Variants in ZNF274 observed in about 807,000 individuals in gnomAD.
ZNF274 encodes the protein zinc finger protein 274, also known as neurotrophin receptor-interacting factor homolog.
Under a neutral mutation model 42.5 loss-of-function variants are expected in ZNF274, and 23 were observed. That is an observed-to-expected ratio of 0.54 (90% CI 0.39 to 0.77). The LOEUF (loss-of-function observed/expected upper bound fraction) is 0.77, where lower values mean the gene tolerates loss of function less well. Ranked by LOEUF, ZNF274 falls within the 30% of genes least tolerant of loss-of-function variation. The pLI, the probability that ZNF274 is intolerant of heterozygous loss-of-function variation, is 0.00. For missense variants in ZNF274, 679 were observed against 806.5 expected (o/e 0.84, Z 1.91); for synonymous variants, 292 against 305.4 (o/e 0.96, Z 0.46).
chr19:58,213,267 C>A lies in ZNF274; in HGVS notation c.*124C>A. ...GTATTGAGTGAGGACATTCCCAAAA[C>A]CAAAGGACAACTGAGGAGACTGCCC... On this transcript the variant is annotated 3_prime_UTR_variant, in exon 8 of 8. Transcript: ENST00000617501. The A allele has an allele frequency of 2.3e-6, 3 of 1,305,608 alleles. No homozygotes were observed. The highest frequency in any genetic ancestry group is 2.0e-6 in the Non-Finnish European group (2 of 977,836). 80.9% of individuals were successfully genotyped at this position (1,305,608 alleles called of 1,614,324 possible).
chr19:58,192,655 T>C (rs148761948), intron 4 of ZNF274, among the ~76,000 whole-genome samples: 9 of 152,360 alleles, frequency 5.9e-5, no homozygotes, highest in Non-Finnish European at 1.0e-4. Context: ...GAATATGATG[T>C]AAATGCTGTG....
Position 58,207,011 on chromosome 19 carries a change from G to T in ZNF274, c.548G>T (p.Arg183Leu). Residue 183 changes from arginine (R) to leucine (L), a missense_variant, in exon 5 of 8, where the codon CGA (arginine) becomes CTA (leucine). Physicochemically the swap from Arg to Leu is moderately radical, Grantham distance 102. Around this residue, in one of 2 missense-constraint regions of ZNF274, gnomAD observed 456 missense variants for 590.1 expected, o/e 0.77. Transcript: ENST00000617501. The surrounding 1 kb of genome is among the most constrained non-coding windows in gnomAD (Gnocchi z 5.6). ...TGPREALDQL[R>L]ELCHQWLQPK... Reference sequence around the variant, plus strand: ...CCCCGGGAGGCCCTGGACCAGCTCCGAGAGCTGTGTCACCAGTGGCTACAG... The same window carrying T: ...CCCCGGGAGGCCCTGGACCAGCTCCTAGAGCTGTGTCACCAGTGGCTACAG... 2 of 1,611,080 alleles carry T rather than the reference G, an allele frequency of 1.2e-6. No individual in the cohort carries two copies. The highest frequency in any genetic ancestry group is 1.7e-6 in the Non-Finnish European group (2 of 1,178,670).
chr19:58,204,915 G>C (rs1030382003), intron 4 of ZNF274, among the ~76,000 whole-genome samples: 1 of 152,172 alleles, frequency 6.6e-6, no homozygotes, highest in Admixed American at 6.5e-5. Context: ...GGCAGGTAGG[G>C]AGTGAGAAGA....
chr19:58,188,545 G>C (rs541826657), intron 4 of ZNF274, among the ~76,000 whole-genome samples: 70 of 148,188 alleles, frequency 4.7e-4, no homozygotes, highest in African/African-American at 1.6e-3. Flanking sequence ...TTAAACCCAG[G>C]AGATGGAGGT....
chr19:58,205,209 G>C (rs1372864702), intron 4 of ZNF274, among the ~76,000 whole-genome samples: 1 of 152,274 alleles, frequency 6.6e-6, no homozygotes. Flanking sequence ...GCTACTTCCT[G>C]GTAGAATTGT....
At chr19:58,197,646 T>C (rs112681263) in intron 4 of ZNF274, among the ~76,000 whole-genome samples, 13 of 152,298 alleles carry the variant, frequency 8.5e-5, no homozygotes, top group African/African-American at 2.9e-4. Context: ...GAGACAAGAA[T>C]ATGTCTTCAA....
In ZNF274 at chr19:58,200,526, G is replaced by A. The variant is rs574993866; in HGVS notation, c.257-6194G>A. Among the ~76,000 whole-genome samples, 6 of 152,296 alleles carry A rather than the reference G, an allele frequency of 3.9e-5. No homozygotes were observed. The South Asian group carries it at 1.2e-3, about 32-fold the overall frequency. ...TAGTTCAGAACTAAGTAGGAAGATG[G>A]TTCTGAGGAGGTGACGTTTGAGCTC... is the stretch of plus-strand genomic sequence containing the variant. On this transcript the variant is annotated intron_variant, in intron 4 of 7. Transcript: ENST00000617501.
At chr19:58,185,916 G>T in intron 3 of ZNF274, 78 bp downstream of exon 3, 1 of 1,280,630 alleles carries the variant, frequency 7.8e-7, no homozygotes, top group African/African-American at 1.5e-5. Context: ...GTGTCTGCTT[G>T]GGCTCACACT....
At chr19:58,209,904 GC>G in intron 5 of ZNF274, 56 bp from the exon 6 acceptor site, 2 of 1,332,164 alleles carry the variant, frequency 1.5e-6, no homozygotes, top group South Asian at 1.3e-5. Context: ...GGCCACCCTT[GC>G]CCTGCCTAAG....
chr19:58,200,574 C>T (rs1268004589), intron 4 of ZNF274, among the ~76,000 whole-genome samples: 1 of 151,412 alleles, frequency 6.6e-6, no homozygotes, highest in Non-Finnish European at 1.5e-5. Context: ...GAAAGGCGAA[C>T]CAGGTGAAGA....
chr19:58,212,321 C>T lies in ZNF274; in HGVS notation c.1140C>T (p.Asp380=), dbSNP rs1200404270. 6.2e-7 allele frequency: 1 copy of T among 1,614,018 alleles called. No individual in the cohort carries two copies. Among genetic ancestry groups the T allele is most frequent in the Admixed American group, 1.7e-5 (1 of 60,028 alleles). ...TLQGGVQEVQ[D]TVLKQMESAQ... is the part of the protein sequence containing the mutation. ...AGGGTGGGGTCCAGGAAGTCCAAGACACAGTGTTGAAGCAGATGGAGTCTG... is the reference window on the plus strand; with the variant it reads ...AGGGTGGGGTCCAGGAAGTCCAAGATACAGTGTTGAAGCAGATGGAGTCTG... Residue 380 remains aspartate, a synonymous_variant, in exon 8 of 8, where the codon GAC becomes GAT. Transcript: ENST00000617501. The surrounding 1 kb of genome is among the most constrained non-coding windows in gnomAD (Gnocchi z 4.6).
In ZNF274 at chr19:58,206,702, T is replaced by C; in HGVS notation, c.257-18T>C. The C allele has an allele frequency of 6.5e-7, 1 of 1,542,812 alleles. No individual in the cohort carries two copies. The highest frequency in any genetic ancestry group is 1.4e-5 in the African/African-American group (1 of 72,958). On this transcript the variant is annotated intron_variant, in intron 4 of 7. Transcript: ENST00000617501. ...ATGTGCTTGTTCTCATTTGTCTTGCTCTGCTTTTGACTTACAGAGTATCCT... is the reference window on the plus strand; with the variant it reads ...ATGTGCTTGTTCTCATTTGTCTTGCCCTGCTTTTGACTTACAGAGTATCCT...
chr19:58,185,923 C>G (rs157377), intron 3 of ZNF274, 85 bp downstream of exon 3: 1,060,289 of 1,265,226 alleles, frequency 0.84, 445,206 homozygotes, highest in African/African-American at 0.89. Flanking sequence ...CTTGGGCTCA[C>G]ACTGCAGGGG....
At chr19:58,186,762 T>C (rs763724919) in intron 3 of ZNF274, among the ~76,000 whole-genome samples, 185 bp from the exon 4 acceptor site, 15 of 148,686 alleles carry the variant, frequency 1.0e-4, no homozygotes, top group Non-Finnish European at 1.9e-4. Context: ...CTGGACCCCT[T>C]AGCTGCTTGG....
In ZNF274 at chr19:58,213,245, T is replaced by C. The variant is rs1224471610; in HGVS notation, c.*102T>C. 1.4e-5 allele frequency: 21 copies of C among 1,455,412 alleles called. No individual in the cohort carries two copies. The highest frequency in any genetic ancestry group is 1.3e-4 in the African/African-American group (9 of 70,606). The allele number at this position is 1,455,412 out of a possible 1,614,324, so 90.2% of individuals were successfully genotyped here. A position where few individuals can be genotyped will look rare whatever the true frequency, so the allele number is the denominator to read the frequency against. ...CAGGACTGAATGTGAAAGGGAAGTA[T>C]TGAGTGAGGACATTCCCAAAACCAA... On this transcript the variant is annotated 3_prime_UTR_variant, in exon 8 of 8. Coordinates refer to ENST00000617501, the MANE Select transcript of ZNF274 (RefSeq NM_133502.3).
chr19:58,191,906 A>G (rs2075782520), intron 4 of ZNF274, among the ~76,000 whole-genome samples: 2 of 152,220 alleles, frequency 1.3e-5, no homozygotes, highest in African/African-American at 4.8e-5. Flanking sequence ...CATAATCTCT[A>G]CCATCTTAGA....
chr19:58,194,370 C>CT (rs1568701207), intron 4 of ZNF274, among the ~76,000 whole-genome samples: 1 of 107,628 alleles, frequency 9.3e-6, no homozygotes, highest in Non-Finnish European at 1.9e-5. Flanking sequence ...TTGTTTTTTA[C>CT]CTTTTTTTTT....
chr19:58,188,694 G>GTATGTATATATATATATATATATATATA (rs1555816898), intron 4 of ZNF274, among the ~76,000 whole-genome samples: 1 of 74,658 alleles, frequency 1.3e-5, no homozygotes, highest in African/African-American at 5.4e-5. Flanking sequence ...ATATGTATAT[G>GTATGTATATATATATATATATATATATA]TATATATATA....
Position 58,207,316 on chromosome 19 carries a change from T to G in ZNF274, c.739+114T>G. On this transcript the variant is annotated intron_variant, in intron 5 of 7. Transcript: ENST00000617501. The surrounding 1 kb of genome is among the most constrained non-coding windows in gnomAD (Gnocchi z 5.6). ...AGGTCATGGGAAGGATTGTGTCCGC[T>G]CCATACAGACCAAGGACATCCATGT... 7.0e-7 allele frequency: 1 copy of G among 1,437,742 alleles called. No individual in the cohort carries two copies. Among genetic ancestry groups the G allele is most frequent in the South Asian group, 1.5e-5 (1 of 67,778 alleles). 89.1% of individuals were successfully genotyped at this position (1,437,742 alleles called of 1,614,324 possible). A position where few individuals can be genotyped will look rare whatever the true frequency, so the allele number is the denominator to read the frequency against.
Sources: gnomAD v4.1 joint callset for allele counts (sites outside exome capture counted in the v4.1 genomes callset) on GRCh38, gnomAD v4.1.1 for gene constraint, gnomAD v4.1.1 regional missense constraint, Gnocchi (gnomAD v3.1) non-coding constraint, MANE v1.5 for transcripts, NCBI Gene and HGNC (gene_info 2026-07-23, HGNC 2026-07-21) for gene names.